ANK3: variants seen among roughly 807,000 people sequenced by gnomAD.
ANK3 encodes ankyrin 3, also known as ankyrin-3.
ANK3 carries 57 observed loss-of-function variants against 370.9 expected under a neutral mutation model. The ratio of observed to expected loss-of-function variants is 0.15; its 90% CI spans 0.12 to 0.19. ANK3 has a LOEUF of 0.19. Among genes scored for constraint, ANK3 ranks in the 10% least tolerant of loss-of-function variants. ANK3 has a pLI of 1.00. For synonymous variants in ANK3, 1,929 were observed against 1,946.3 expected (o/e 0.99, Z 0.23); for missense variants, 4,439 against 5,302.1 (o/e 0.84, Z 5.06).
chr10:60,693,096 G>A (rs577429331), intron 1 of ANK3, among the ~76,000 whole-genome samples: 89 of 152,292 alleles, frequency 5.8e-4, no homozygotes, highest in African/African-American at 1.6e-3. Flanking sequence ...CTCGGGAAGC[G>A]CAAGGGGTCA....
At chr10:60,196,771 T>C in intron 14 of ANK3, 146 bp from the exon 15 acceptor site, 2 of 604,218 alleles carry the variant, frequency 3.3e-6, no homozygotes, top group South Asian at 2.1e-5. Context: ...CTATTGATGA[T>C]GAGCAGTGAA....
At chr10:60,044,587 A>C (rs974910171) in intron 42 of ANK3, 1 of 152,760 alleles carries the variant, frequency 6.5e-6, no homozygotes, top group African/African-American at 2.4e-5. Flanking sequence ...AGAAGGAAGA[A>C]TTTGAAAATA....
At chr10:60,575,246 G>A (rs1237798490) in intron 2 of ANK3, among the ~76,000 whole-genome samples, 5 of 151,974 alleles carry the variant, frequency 3.3e-5, no homozygotes, top group South Asian at 4.2e-4. Context: ...GTAGTTGTTC[G>A]CCCATTTCTT....
chr10:60,587,865 G>C (rs762082217), intron 2 of ANK3, among the ~76,000 whole-genome samples: 3 of 151,884 alleles, frequency 2.0e-5, no homozygotes, highest in Non-Finnish European at 4.4e-5. Context: ...AAATATTCCA[G>C]GTAATAAGTT....
At chr10:60,601,976 C>G (rs1221441425) in intron 2 of ANK3, among the ~76,000 whole-genome samples, 1 of 152,082 alleles carries the variant, frequency 6.6e-6, no homozygotes, top group East Asian at 1.9e-4. Flanking sequence ...TCATAAAAAG[C>G]CTGTGTGCAC....
In ANK3 at chr10:60,029,610, C is replaced by T. The variant is rs996923762; in HGVS notation, c.*236G>A. 3.3e-5 allele frequency: 5 copies of T among 152,480 alleles called. No homozygotes were observed. Among genetic ancestry groups the T allele is most frequent in the African/African-American group, 4.8e-5 (2 of 41,400 alleles). The allele number at this position is 152,480 out of a possible 1,614,324, so 9.4% of individuals were successfully genotyped here. A position where few individuals can be genotyped will look rare whatever the true frequency, so the allele number is the denominator to read the frequency against. ...TACACTGCATTGCTAATTGCACACGCGCCAATCCGGAAATGAAAGTGATTT... is the reference window on the plus strand; with the variant it reads ...TACACTGCATTGCTAATTGCACACGTGCCAATCCGGAAATGAAAGTGATTT... On this transcript the variant is annotated 3_prime_UTR_variant, in exon 44 of 44. Coordinates refer to ENST00000280772, the MANE Select transcript of ANK3 (RefSeq NM_020987.5).
In ANK3 at chr10:60,173,184, C is replaced by T; in HGVS notation, c.2187G>A (p.Met729Ile). Residue 729 changes from methionine to isoleucine, a missense_variant and splice_region_variant, in exon 19 of 44, where the codon ATG becomes ATA. Met to Ile is a conservative substitution (Grantham distance 10). Around this residue, in one of 13 missense-constraint regions of ANK3, gnomAD observed 702 missense variants for 941.5 expected, o/e 0.75. Coordinates refer to ENST00000280772, the MANE Select transcript of ANK3 (RefSeq NM_020987.5). ...AGCCCACATGCAGTGGTGTGTATCCCATCTGTAATTATTATTTTTTTAAAA... is the reference window on the plus strand; with the variant it reads ...AGCCCACATGCAGTGGTGTGTATCCTATCTGTAATTATTATTTTTTTAAAA... ...QGAHVDAQTKMGYTPLHVGCH... is the reference protein window; with the variant it reads ...QGAHVDAQTKIGYTPLHVGCH... 1 of 1,600,944 alleles carries T rather than the reference C, an allele frequency of 6.2e-7. No homozygotes were observed. Among genetic ancestry groups the T allele is most frequent in the Non-Finnish European group, 8.5e-7 (1 of 1,172,944 alleles).
chr10:60,339,943 A>G (rs2053870093), intron 1 of ANK3, among the ~76,000 whole-genome samples: 1 of 152,238 alleles, frequency 6.6e-6, no homozygotes, highest in South Asian at 2.1e-4. Context: ...ACATGTATCT[A>G]TGATGACAGT....
At chr10:60,698,229 A>G (rs1192725942) in intron 1 of ANK3, among the ~76,000 whole-genome samples, 118 of 150,746 alleles carry the variant, frequency 7.8e-4, no homozygotes, top group Middle Eastern at 6.8e-3. Flanking sequence ...TTAGAATGGC[A>G]ATCATTAAAA....
At chr10:60,464,546 C>G (rs1381161796) in intron 2 of ANK3, among the ~76,000 whole-genome samples, 6 of 152,264 alleles carry the variant, frequency 3.9e-5, no homozygotes, top group Non-Finnish European at 7.4e-5. Context: ...TAAAAGTGAT[C>G]CACATGCAGA....
intron 1 of ANK3, among the ~76,000 whole-genome samples, chr10:60,313,928 GTTT>G (rs760802914): frequency 7.6e-6 from 1 of 132,118 alleles, no homozygotes; most frequent in African/African-American, 2.7e-5. Flanking sequence ...TTTTGTTTTT[GTTT>G]TTTTTTTTTT....
At chr10:60,403,797 A>G (rs1028071912) in intron 2 of ANK3, among the ~76,000 whole-genome samples, 5 of 152,204 alleles carry the variant, frequency 3.3e-5, no homozygotes, top group African/African-American at 1.2e-4. Context: ...TTGGAGAGGA[A>G]GAGTAAAACT....
intron 36 of ANK3, among the ~76,000 whole-genome samples, chr10:60,079,311 C>A (rs1407882328): frequency 1.3e-5 from 2 of 151,810 alleles, no homozygotes; most frequent in African/African-American, 4.8e-5. Context: ...TAGAGGAGAA[C>A]AGAGATCTGA....
chr10:60,157,335 C>CCTTTT (rs1256172341), intron 23 of ANK3, among the ~76,000 whole-genome samples: 2 of 121,110 alleles, frequency 1.7e-5, no homozygotes, highest in African/African-American at 6.0e-5. Flanking sequence ...CTGTGCCCGG[C>CCTTTT]TTTTTTTTTT....
chr10:60,645,961 T>C (rs1429315649), intron 1 of ANK3, among the ~76,000 whole-genome samples: 1 of 152,152 alleles, frequency 6.6e-6, no homozygotes, highest in Non-Finnish European at 1.5e-5. Context: ...TGATAAATGC[T>C]CTGAAATAAA....
At position 60,667,200 on chromosome 10, in the gene ANK3, AT is replaced by A. The variant is rs1171490598; in HGVS notation, c.58-51977del. Among the ~76,000 whole-genome samples the A allele has an allele frequency of 1.4e-4, 18 of 124,402 alleles. 1 individual carries two copies. The South Asian group carries it at 2.0e-3, about 14-fold the overall frequency. The allele number at this position is 124,402 out of a possible 152,430, so 81.6% of individuals were successfully genotyped here. On this transcript the variant is annotated intron_variant, in intron 1 of 43. Coordinates refer to the ANK3 transcript ENST00000373827. The stretch of plus-strand genomic sequence containing the variant: ...ATATTATATCATATTATATTATATT[AT>A]ATTATATTATATTATATTAATTATA...
At chr10:60,271,189 ATTATT>A (rs1244917557) in intron 4 of ANK3, among the ~76,000 whole-genome samples, 4 of 152,120 alleles carry the variant, frequency 2.6e-5, no homozygotes, top group African/African-American at 9.7e-5. Flanking sequence ...TTTTATTATT[ATTATT>A]TTGAGACAGG....
At chr10:60,479,096 G>T (rs1475878509) in intron 2 of ANK3, among the ~76,000 whole-genome samples, 3 of 152,004 alleles carry the variant, frequency 2.0e-5, no homozygotes, top group African/African-American at 7.2e-5. Flanking sequence ...TATTTAACAA[G>T]CTGAACTTTG....
intron 1 of ANK3, among the ~76,000 whole-genome samples, chr10:60,692,887 C>T (rs2079376706): frequency 7.1e-6 from 1 of 140,236 alleles, no homozygotes; most frequent in Admixed American, 7.0e-5. Context: ...TTGAATGACA[C>T]TTACAAAAAA....
Sources: allele counts gnomAD v4.1 joint callset (sites outside exome capture counted in the v4.1 genomes callset), GRCh38; gene constraint gnomAD v4.1.1; regional missense constraint gnomAD v4.1.1; transcripts MANE v1.5; gene names NCBI Gene and HGNC (gene_info 2026-07-23, HGNC 2026-07-21).